The following LRBA variants were observed in gnomAD, a reference collection of about 807,000 sequenced individuals.
The protein encoded by LRBA is LPS responsive beige-like anchor protein.
LRBA carries 176 observed loss-of-function variants against 330.0 expected under a neutral mutation model. The observed-to-expected ratio is 0.53, with a 90% CI of 0.47 to 0.60. LRBA has a LOEUF of 0.60. LRBA is among the 20% of genes least tolerant of loss of function. The probability of loss-of-function intolerance (pLI) is 0.00; values close to 1 mark genes in which losing one functional copy is unlikely to be tolerated. For missense variants in LRBA, 3,259 were observed against 3,444.8 expected, an observed-to-expected ratio of 0.95 and a Z score of 1.35; for synonymous variants, 1,230 against 1,193.0, an observed-to-expected ratio of 1.03 and a Z score of -0.64.
At chr4:150,292,681 G>C (rs986187807) in intron 53 of LRBA, among the ~76,000 whole-genome samples, 2 of 151,942 alleles carry the variant, frequency 1.3e-5, no homozygotes, top group Admixed American at 6.6e-5. Context: ...AGATATGTGA[G>C]GTACTATGGA....
chr4:150,888,481 A>C (rs1167112273), intron 17 of LRBA, among the ~76,000 whole-genome samples: 4 of 152,188 alleles, frequency 2.6e-5, no homozygotes, highest in Admixed American at 2.6e-4. Flanking sequence ...GCGCTTATGT[A>C]TATACAGACA....
intron 20 of LRBA, among the ~76,000 whole-genome samples, chr4:150,869,589 T>C (rs1487643396): frequency 6.6e-6 from 1 of 152,086 alleles, no homozygotes; most frequent in East Asian, 1.9e-4. Flanking sequence ...CCAGGGAGGC[T>C]GAGGCAGGAG....
At chr4:150,334,042 A>G (rs1734323214) in intron 48 of LRBA, among the ~76,000 whole-genome samples, 2 of 152,188 alleles carry the variant, frequency 1.3e-5, no homozygotes, top group Non-Finnish European at 2.9e-5. Context: ...TAACCTTAGG[A>G]AAGAAATACA....
At chr4:150,866,220 T>A (rs1209885469) in intron 22 of LRBA, among the ~76,000 whole-genome samples, 3 of 152,210 alleles carry the variant, frequency 2.0e-5, no homozygotes, top group Non-Finnish European at 4.4e-5. Flanking sequence ...TCAAAAAACA[T>A]ACACCGTAAA....
chr4:150,273,381 C>T (rs953591649), intron 56 of LRBA, among the ~76,000 whole-genome samples: 6 of 152,072 alleles, frequency 3.9e-5, no homozygotes, highest in African/African-American at 9.7e-5. Context: ...ACACCATCGA[C>T]GCTATGAAGG....
chr4:150,999,441 T>A (rs1201451368), intron 2 of LRBA, among the ~76,000 whole-genome samples: 6 of 151,864 alleles, frequency 4.0e-5, no homozygotes, highest in African/African-American at 4.8e-5. Context: ...TTTTTTTTTT[T>A]AATTCTATAG....
chr4:150,804,054 C>A (rs970319755), intron 33 of LRBA, among the ~76,000 whole-genome samples: 1 of 151,824 alleles, frequency 6.6e-6, no homozygotes, highest in Non-Finnish European at 1.5e-5. Context: ...TAAGTTGTTA[C>A]ACCATTTAAA....
At chr4:150,675,945 G>A (rs892181551) in intron 37 of LRBA, among the ~76,000 whole-genome samples, 2 of 152,030 alleles carry the variant, frequency 1.3e-5, no homozygotes, top group East Asian at 1.9e-4. Context: ...AGGTGAAGAG[G>A]ACCTTACTAT....
At chr4:150,756,410 A>G (rs932674651) in intron 35 of LRBA, among the ~76,000 whole-genome samples, 5 of 152,158 alleles carry the variant, frequency 3.3e-5, no homozygotes, top group Non-Finnish European at 7.3e-5. Context: ...TTTGCAAGTA[A>G]TATCACCAAA....
intron 40 of LRBA, among the ~76,000 whole-genome samples, chr4:150,530,087 G>A (rs529750333): frequency 1.3e-5 from 2 of 152,092 alleles, no homozygotes; most frequent in Non-Finnish European, 2.9e-5. Flanking sequence ...TGAATCAATT[G>A]CTCTGGCATA....
At chr4:150,805,289 GA>G (rs2126706493) in intron 33 of LRBA, among the ~76,000 whole-genome samples, 1 of 70,878 alleles carries the variant, frequency 1.4e-5, no homozygotes, top group South Asian at 5.4e-4. Flanking sequence ...AAAGGAGAAG[GA>G]AAGGAAAGGA....
chr4:150,327,294 C>T (rs1163040979), intron 48 of LRBA, among the ~76,000 whole-genome samples: 5 of 151,838 alleles, frequency 3.3e-5, no homozygotes, highest in African/African-American at 1.2e-4. Context: ...CTGGTGTGTG[C>T]CTCAAGTCCC....
chr4:150,403,137 T>C (rs1033910317), intron 47 of LRBA, among the ~76,000 whole-genome samples: 10 of 152,240 alleles, frequency 6.6e-5, no homozygotes, highest in African/African-American at 1.7e-4. Flanking sequence ...GCAGAGCCGC[T>C]GCTTTTCAGA....
intron 43 of LRBA, among the ~76,000 whole-genome samples, chr4:150,470,738 T>C (rs1755999611): frequency 3.3e-5 from 5 of 152,168 alleles, no homozygotes; most frequent in South Asian, 4.2e-4. Flanking sequence ...ACCACCTACA[T>C]TCAGTCAGCT....
At position 150,321,709 on chromosome 4, in the gene LRBA, G is replaced by A. The variant is rs191907015; in HGVS notation, c.7453-341C>T. Among the ~76,000 whole-genome samples, 2 of 152,214 alleles carry A rather than the reference G, an allele frequency of 1.3e-5. No homozygotes were observed. Among genetic ancestry groups the A allele is most frequent in the African/African-American group, 2.4e-5 (1 of 41,534 alleles). On this transcript the variant is annotated intron_variant, in intron 49 of 56. Coordinates refer to ENST00000651943, the MANE Select transcript of LRBA (RefSeq NM_001364905.1). The surrounding 1 kb of genome is among the most constrained non-coding windows in gnomAD (Gnocchi z 4.5). ...TTAGATTCTACACAGGCAAAGTGCT[G>A]GGGATTGCATTAAACCATTCTGGTT...
Position 150,583,209 on chromosome 4 carries a change from T to C in LRBA, c.6330+4839A>G, listed in dbSNP as rs759509012. ...TCATCAGCTCCTTGAGCGAGATCGA[T>C]GCCCGCTACGAGGGGCTCGAGGTCA... On this transcript the variant is annotated intron_variant, in intron 40 of 56. Transcript: ENST00000651943. This position sits in a 1 kb window ranked among gnomAD's most constrained non-coding sequence, Gnocchi z 9.8. 4.3e-6 allele frequency: 7 copies of C among 1,614,214 alleles called. No homozygotes were observed. Among genetic ancestry groups the C allele is most frequent in the Non-Finnish European group, 5.9e-6 (7 of 1,180,022 alleles).
At chr4:150,776,630 T>C (rs1737366994) in intron 34 of LRBA, among the ~76,000 whole-genome samples, 1 of 152,034 alleles carries the variant, frequency 6.6e-6, no homozygotes, top group Admixed American at 6.6e-5. Context: ...CCTGGCAACA[T>C]GGTGAAACCC....
At chr4:150,304,138 C>T (rs900203669) in intron 52 of LRBA, among the ~76,000 whole-genome samples, 2 of 151,994 alleles carry the variant, frequency 1.3e-5, no homozygotes, top group African/African-American at 2.4e-5. Context: ...GAAAAAAAGG[C>T]TACTAAGCTG....
At chr4:150,894,643 C>G (rs926088758) in intron 16 of LRBA, among the ~76,000 whole-genome samples, 11 of 152,152 alleles carry the variant, frequency 7.2e-5, no homozygotes, top group Admixed American at 2.0e-4. Flanking sequence ...GCTGTGGAAG[C>G]TACTTGTATA....
Sources: allele counts gnomAD v4.1 joint callset (sites outside exome capture counted in the v4.1 genomes callset), GRCh38; gene constraint gnomAD v4.1.1; non-coding constraint Gnocchi (gnomAD v3.1); transcripts MANE v1.5; gene names NCBI Gene and HGNC (gene_info 2026-07-23, HGNC 2026-07-21).